Variants in MTMR14 observed in about 807,000 individuals in gnomAD.
MTMR14 encodes the protein phosphatidylinositol-3,5-bisphosphate 3-phosphatase MTMR14.
In MTMR14, 48 loss-of-function variants were observed where a neutral mutation model predicts 86.3. The observed-to-expected ratio is 0.56, with a 90% CI of 0.44 to 0.71. MTMR14 has a LOEUF of 0.71. Ranked by LOEUF, MTMR14 falls within the 30% of genes least tolerant of loss-of-function variation. The pLI is 0.00. For missense variants in MTMR14, 780 were observed against 834.6 expected, an observed-to-expected ratio of 0.93 and a Z score of 0.81; for synonymous variants, 366 against 326.1, an observed-to-expected ratio of 1.12 and a Z score of -1.32.
At chr3:9,668,935 C>T (rs1025620835) in intron 4 of MTMR14, 141 bp downstream of exon 4, 13 of 864,560 alleles carry the variant, frequency 1.5e-5, no homozygotes, top group Non-Finnish European at 2.1e-5. Context: ...GTCAGGAGTT[C>T]GAGACCATCC....
chr3:9,653,800 C>T (rs752194230), intron 2 of MTMR14, 31 bp downstream of exon 2: 2 of 1,613,730 alleles, frequency 1.2e-6, no homozygotes, highest in African/African-American at 2.7e-5. Context: ...GTGTACATGT[C>T]TGGGGAGTCC....
chr3:9,672,387 G>A (rs529932602), intron 6 of MTMR14, among the ~76,000 whole-genome samples: 45 of 152,144 alleles, frequency 3.0e-4, no homozygotes, highest in African/African-American at 8.4e-4. Flanking sequence ...TTACAGGAGC[G>A]CGCTGCCACA....
At chr3:9,698,181 G>A (rs1192550751) in intron 18 of MTMR14, among the ~76,000 whole-genome samples, 5 of 152,038 alleles carry the variant, frequency 3.3e-5, no homozygotes, top group East Asian at 1.9e-4. Context: ...CATGAGAATC[G>A]TTTGAAGGCA....
At chr3:9,685,366 G>GC in intron 13 of MTMR14, 119 bp downstream of exon 13, 2 of 1,259,148 alleles carry the variant, frequency 1.6e-6, no homozygotes, top group South Asian at 1.2e-5. Flanking sequence ...CAGGGATGTG[G>GC]CCCCCTGTCA....
chr3:9,680,200 C>T (rs1254062397), intron 9 of MTMR14, among the ~76,000 whole-genome samples: 4 of 152,200 alleles, frequency 2.6e-5, no homozygotes, highest in African/African-American at 7.2e-5. Context: ...ACCTGAAACT[C>T]GAGTTCTTTG....
intron 3 of MTMR14, 39 bp from the exon 4 acceptor site, chr3:9,668,680 G>T: frequency 6.2e-7 from 1 of 1,610,916 alleles, no homozygotes; most frequent in Non-Finnish European, 8.5e-7. Context: ...GCATGCTTCA[G>T]AAAACCATCT....
At chr3:9,683,844 C>T (rs1380425622) in intron 10 of MTMR14, 1 of 156,594 alleles carries the variant, frequency 6.4e-6, no homozygotes, top group Non-Finnish European at 1.4e-5. Context: ...CTCTGTTTCT[C>T]AAAACCACTG....
chr3:9,677,167 A>C lies in MTMR14; in HGVS notation c.752-150A>C. The C allele has an allele frequency of 1.5e-6, 1 of 675,356 alleles. No individual in the cohort carries two copies. Among genetic ancestry groups the C allele is most frequent in the Non-Finnish European group, 2.6e-6 (1 of 384,872 alleles). The allele number at this position is 675,356 out of a possible 1,614,324, so 41.8% of individuals were successfully genotyped here. On this transcript the variant is annotated intron_variant, in intron 7 of 18. Coordinates refer to ENST00000296003, the MANE Select transcript of MTMR14 (RefSeq NM_001077525.3). The surrounding 1 kb of genome is among the most constrained non-coding windows in gnomAD (Gnocchi z 4.2). ...CCCCTGGCTTTTGCCCACCCGTGTC[A>C]GCCTTGGCCTCACTGAAGCCACTAG...
In MTMR14 at chr3:9,660,625, G is replaced by A. The variant is rs570127083; in HGVS notation, c.309-1642G>A. On this transcript the variant is annotated intron_variant, in intron 2 of 18. Coordinates refer to ENST00000296003, the MANE Select transcript of MTMR14 (RefSeq NM_001077525.3). ...GACTGTGTTTTTATTAACCCTAACAGCATCCAGATACATTTAAAGAGGTAC... is the reference window on the plus strand; with the variant it reads ...GACTGTGTTTTTATTAACCCTAACAACATCCAGATACATTTAAAGAGGTAC... 3.3e-3 allele frequency among the ~76,000 whole-genome samples: 503 copies of A among 152,210 alleles called. 1 individual carries two copies. The highest frequency in any genetic ancestry group is 0.012 in the African/African-American group (479 of 41,528).
At chr3:9,663,842 G>A (rs1449907479) in intron 3 of MTMR14, among the ~76,000 whole-genome samples, 1 of 150,468 alleles carries the variant, frequency 6.6e-6, no homozygotes, top group African/African-American at 2.5e-5. Context: ...AGGCTGGAGT[G>A]CAGTGGCCCA....
At chr3:9,669,642 C>T in intron 5 of MTMR14, 150 bp downstream of exon 5, 2 of 792,822 alleles carry the variant, frequency 2.5e-6, no homozygotes, top group Non-Finnish European at 3.9e-6. Context: ...GTCTGTGCCC[C>T]TGAAATATGG....
intron 13 of MTMR14, among the ~76,000 whole-genome samples, chr3:9,685,989 G>A (rs941572254): frequency 2.6e-5 from 4 of 152,104 alleles, no homozygotes; most frequent in African/African-American, 4.8e-5. Context: ...CAGCATGGAA[G>A]CTGTCCCACG....
At chr3:9,657,096 G>A (rs913449550) in intron 2 of MTMR14, among the ~76,000 whole-genome samples, 2 of 151,974 alleles carry the variant, frequency 1.3e-5, no homozygotes, top group East Asian at 1.9e-4. Context: ...TTAATTTTTA[G>A]TAGAGACCAG....
intron 3 of MTMR14, among the ~76,000 whole-genome samples, chr3:9,666,137 T>G (rs1574970631): frequency 6.8e-6 from 1 of 147,556 alleles, no homozygotes; most frequent in African/African-American, 2.6e-5. Context: ...TTGTTGGTTT[T>G]TTTTTTTTTT....
chr3:9,678,698 G>T (rs1346292509), intron 9 of MTMR14, among the ~76,000 whole-genome samples: 1 of 152,142 alleles, frequency 6.6e-6, no homozygotes, highest in East Asian at 1.9e-4. Flanking sequence ...GCTTTGGCTC[G>T]AGTGTCTGCT....
chr3:9,649,616 C>A lies in MTMR14; in HGVS notation c.33C>A (p.Ala11=), dbSNP rs1356051409. The change falls in exon 1 of 19, where the codon GCC becomes GCA. Residue 11 remains alanine, a synonymous_variant. Transcript: ENST00000296003. ...GCGCTCGGGCCGCCGCCGCCGCTGCCTCGGCGGGGTCCTCGGCCTCTTCAG... is the reference window on the plus strand; with the variant it reads ...GCGCTCGGGCCGCCGCCGCCGCTGCATCGGCGGGGTCCTCGGCCTCTTCAG... The part of the protein sequence containing the change: MAGARAAAAA[A]SAGSSASSGN... 6.4e-7 allele frequency: 1 copy of A among 1,551,890 alleles called. No individual in the cohort carries two copies.
intron 2 of MTMR14, chr3:9,659,704 A>G (rs1450141857): frequency 4.4e-6 from 2 of 455,586 alleles, no homozygotes; most frequent in Admixed American, 4.7e-5. Flanking sequence ...GAGCCTCCCC[A>G]AGTGTGGGAT....
intron 11 of MTMR14, 22 bp downstream of exon 11, chr3:9,684,692 C>A: frequency 2.5e-6 from 4 of 1,612,724 alleles, no homozygotes; most frequent in Non-Finnish European, 3.4e-6. Context: ...TCGGCCCCTA[C>A]CAAGCTCTGC....
intron 3 of MTMR14, among the ~76,000 whole-genome samples, chr3:9,667,220 T>C (rs953063404): frequency 9.2e-5 from 14 of 152,168 alleles, no homozygotes; most frequent in African/African-American, 3.4e-4. Context: ...AGAGTGGATA[T>C]GATACAAATG....
Sources: gnomAD v4.1 joint callset for allele counts (sites outside exome capture counted in the v4.1 genomes callset) on GRCh38, gnomAD v4.1.1 for gene constraint, Gnocchi (gnomAD v3.1) non-coding constraint, MANE v1.5 for transcripts, NCBI Gene and HGNC (gene_info 2026-07-23, HGNC 2026-07-21) for gene names.